Variants in CACNA2D3 observed in about 807,000 individuals in gnomAD.
CACNA2D3 encodes the protein calcium voltage-gated channel auxiliary subunit alpha2delta 3.
In CACNA2D3, 60 loss-of-function variants were observed where a neutral mutation model predicts 160.6. The ratio of observed to expected loss-of-function variants is 0.37; its 90% CI spans 0.30 to 0.46. The LOEUF is 0.46. Ranked by LOEUF, CACNA2D3 falls within the 20% of genes least tolerant of loss-of-function variation. The pLI, the probability that CACNA2D3 is intolerant of heterozygous loss-of-function variation, is 1.00. For missense variants in CACNA2D3, 1,205 were observed against 1,365.0 expected (o/e 0.88, Z 1.85); for synonymous variants, 558 against 492.9 (o/e 1.13, Z -1.75).
intron 11 of CACNA2D3, among the ~76,000 whole-genome samples, chr3:54,717,056 T>C (rs2106976353): frequency 6.6e-6 from 1 of 152,262 alleles, no homozygotes; most frequent in Non-Finnish European, 1.5e-5. Flanking sequence ...TCTATCTCCA[T>C]GGGTTAGTTT....
intron 15 of CACNA2D3, 65 bp from the exon 16 acceptor site, chr3:54,838,503 T>G: frequency 4.9e-5 from 64 of 1,296,436 alleles, no homozygotes; most frequent in Non-Finnish European, 6.3e-5. Flanking sequence ...TGACTTCTCG[T>G]GAGATTCTAT....
At chr3:54,165,422 G>C (rs932496848) in intron 2 of CACNA2D3, among the ~76,000 whole-genome samples, 1 of 151,918 alleles carries the variant, frequency 6.6e-6, no homozygotes, top group Non-Finnish European at 1.5e-5. Context: ...GGTAGACAAA[G>C]ATCAGTTCAA....
intron 4 of CACNA2D3, among the ~76,000 whole-genome samples, chr3:54,492,452 G>C (rs1385185816): frequency 6.6e-6 from 1 of 152,116 alleles, no homozygotes; most frequent in Non-Finnish European, 1.5e-5. Context: ...CTTATCCCAG[G>C]CCATAGGAGC....
rs566023684 is a variant in CACNA2D3 at position 55,051,459 on chromosome 3, C to G, written c.2988-21986C>G. On this transcript the variant is annotated intron_variant, in intron 35 of 37. Coordinates refer to ENST00000474759, the MANE Select transcript of CACNA2D3 (RefSeq NM_018398.3). ...GACCCACTTGAGGAGGCAGTCTGCC[C>G]TTTCTCAGATCTCCAGCTGCATGCT... Among the ~76,000 whole-genome samples, 833 of 152,190 alleles carry G rather than the reference C, an allele frequency of 5.5e-3. 4 individuals carry two copies. The highest frequency in any genetic ancestry group is 0.019 in the African/African-American group (778 of 41,458).
chr3:54,687,142 T>G lies in CACNA2D3; in HGVS notation c.1167+44901T>G, dbSNP rs1205925594. On this transcript the variant is annotated intron_variant, in intron 11 of 37. Coordinates refer to ENST00000474759, the MANE Select transcript of CACNA2D3 (RefSeq NM_018398.3). Reference sequence around the variant, plus strand: ...TTTTCTTTTTTTTTTTTTGTTTTTTTTTTTTTTTGTTTTTTTGACACTGGG... The same window carrying G: ...TTTTCTTTTTTTTTTTTTGTTTTTTGTTTTTTTTGTTTTTTTGACACTGGG... 6.9e-3 allele frequency among the ~76,000 whole-genome samples: 500 copies of G among 72,974 alleles called. 7 individuals are homozygous for G. The highest frequency in any genetic ancestry group is 0.027 in the African/African-American group (471 of 17,224). The allele number at this position is 72,974 out of a possible 152,430, so 47.9% of individuals were successfully genotyped here.
rs1702643518 is a variant in CACNA2D3, at chr3:54,987,588, A to C, written c.2620-95A>C. The C allele has an allele frequency of 6.7e-6, 5 of 747,042 alleles. No homozygotes were observed. The Middle Eastern group carries it at 1.2e-3, about 184-fold the overall frequency. 46.3% of individuals were successfully genotyped at this position (747,042 alleles called of 1,614,324 possible). On this transcript the variant is annotated intron_variant, in intron 30 of 37. Coordinates refer to ENST00000474759, the MANE Select transcript of CACNA2D3 (RefSeq NM_018398.3). ...TGAAAACCTGCCTTTTGCTCCTGTC[A>C]GTTCCAGGACACAGACTGTGTCCCT...
Position 54,642,274 on chromosome 3 carries a change from A to G in CACNA2D3, c.1167+33A>G, listed in dbSNP as rs371196360. On this transcript the variant is annotated intron_variant, in intron 11 of 37. Coordinates refer to ENST00000474759, the MANE Select transcript of CACNA2D3 (RefSeq NM_018398.3). The stretch of plus-strand genomic sequence containing the variant: ...GATGCTGATCCCGTCTGTGCGGTGG[A>G]CTCCTTGAGAATCTTTACTGTAATC... 6 of 1,297,314 alleles carry G rather than the reference A, an allele frequency of 4.6e-6. No individual in the cohort carries two copies. The African/African-American group carries it at 7.3e-5, about 16-fold the overall frequency. The allele number at this position is 1,297,314 out of a possible 1,614,324, so 80.4% of individuals were successfully genotyped here.
intron 10 of CACNA2D3, among the ~76,000 whole-genome samples, chr3:54,628,705 C>T (rs193051052): frequency 1.2e-4 from 18 of 152,198 alleles, no homozygotes; most frequent in East Asian, 5.8e-4. Flanking sequence ...GAGTTTAATT[C>T]GGGCAATTGA....
intron 9 of CACNA2D3, among the ~76,000 whole-genome samples, chr3:54,585,127 C>T (rs541606798): frequency 3.5e-4 from 54 of 152,246 alleles, no homozygotes; most frequent in Non-Finnish European, 5.1e-4. Flanking sequence ...TATCCTAATT[C>T]TCAGACAATT....
At chr3:54,354,773 C>A (rs1245196883) in intron 3 of CACNA2D3, among the ~76,000 whole-genome samples, 1 of 152,150 alleles carries the variant, frequency 6.6e-6, no homozygotes, top group Non-Finnish European at 1.5e-5. Flanking sequence ...TGTGTCTCTC[C>A]CTGAGCTTGA....
At chr3:54,731,571 A>G (rs1236312220) in intron 11 of CACNA2D3, among the ~76,000 whole-genome samples, 1 of 152,134 alleles carries the variant, frequency 6.6e-6, no homozygotes, top group Non-Finnish European at 1.5e-5. Context: ...GGTCCAGAAC[A>G]TGTCTGGGGC....
chr3:54,297,351 C>T (rs1003047457), intron 2 of CACNA2D3, among the ~76,000 whole-genome samples: 2 of 152,106 alleles, frequency 1.3e-5, no homozygotes, highest in African/African-American at 4.8e-5. Flanking sequence ...GCTGCTGTGG[C>T]TATTATCCTT....
intron 11 of CACNA2D3, among the ~76,000 whole-genome samples, chr3:54,734,930 A>G (rs1470471170): frequency 6.6e-6 from 1 of 152,202 alleles, no homozygotes; most frequent in Non-Finnish European, 1.5e-5. Context: ...TGCCAAACTC[A>G]TTATCTGCTG....
rs889432991 is a variant in CACNA2D3, at chr3:55,018,151, A to G, written c.2876-55A>G. On this transcript the variant is annotated intron_variant, in intron 34 of 37. Transcript: ENST00000474759. ...GGGTTGCTGTGGGCTGCCAGTCACA[A>G]TTTTGAGCCTGTGCCTTGCATTCTT... The G allele has an allele frequency of 5.2e-6, 6 of 1,156,780 alleles. No homozygotes were observed. In the Admixed American group the frequency reaches 1.1e-4, roughly 22 times the overall value. 71.7% of individuals were successfully genotyped at this position (1,156,780 alleles called of 1,614,324 possible). A position where few individuals can be genotyped will look rare whatever the true frequency, so the allele number is the denominator to read the frequency against.
chr3:54,698,613 C>A (rs1034065596), intron 11 of CACNA2D3, among the ~76,000 whole-genome samples: 1 of 152,108 alleles, frequency 6.6e-6, no homozygotes, highest in Non-Finnish European at 1.5e-5. Flanking sequence ...AAAACTCAAT[C>A]TCTGCCTCCT....
chr3:54,806,175 T>G lies in CACNA2D3; in HGVS notation c.1381-10678T>G, dbSNP rs145112990. Reference sequence around the variant, plus strand: ...AGATGCCCTCTCTCACCACTCCTATTCAACATAGTGTTGGAAGTTCTGGCC... The same window carrying G: ...AGATGCCCTCTCTCACCACTCCTATGCAACATAGTGTTGGAAGTTCTGGCC... On this transcript the variant is annotated intron_variant, in intron 13 of 37. Coordinates refer to ENST00000474759, the MANE Select transcript of CACNA2D3 (RefSeq NM_018398.3). 7.9e-3 allele frequency among the ~76,000 whole-genome samples: 1,209 copies of G among 152,282 alleles called. 22 individuals carry two copies. The highest frequency in any genetic ancestry group is 0.027 in the African/African-American group (1,137 of 41,536).
chr3:54,906,442 A>G (rs1403071434), intron 27 of CACNA2D3, among the ~76,000 whole-genome samples: 2 of 152,152 alleles, frequency 1.3e-5, no homozygotes, highest in African/African-American at 4.8e-5. Context: ...AGGTGACATG[A>G]ATGGAGGTCT....
intron 17 of CACNA2D3, among the ~76,000 whole-genome samples, chr3:54,854,091 A>G (rs1699116933): frequency 6.6e-6 from 1 of 152,190 alleles, no homozygotes. Context: ...GGGCGACTGC[A>G]ACCTAGGCCT....
chr3:54,420,013 G>A (rs1034477796), intron 4 of CACNA2D3, among the ~76,000 whole-genome samples: 3 of 152,192 alleles, frequency 2.0e-5, no homozygotes, highest in African/African-American at 4.8e-5. Context: ...TGATCCACCC[G>A]CCAAGGCTTC....
Sources: allele counts gnomAD v4.1 joint callset (sites outside exome capture counted in the v4.1 genomes callset), GRCh38; gene constraint gnomAD v4.1.1; transcripts MANE v1.5; gene names NCBI Gene and HGNC (gene_info 2026-07-23, HGNC 2026-07-21).